The following MYO16 variants were observed in gnomAD, a reference collection of about 807,000 sequenced individuals.
The protein encoded by MYO16 is unconventional myosin-XVI.
A neutral mutation model predicts 205.3 loss-of-function variants in MYO16; 94 were observed. The ratio of observed to expected loss-of-function variants is 0.46; its 90% confidence interval spans 0.39 to 0.54. The LOEUF (loss-of-function observed/expected upper bound fraction) is 0.54. Ranked by LOEUF, MYO16 falls within the 20% of genes least tolerant of loss-of-function variation. MYO16 has a pLI of 0.00. For synonymous variants in MYO16, 988 were observed against 954.0 expected, an observed-to-expected ratio of 1.04 and a Z score of -0.66; for missense variants, 2,315 against 2,387.5, an observed-to-expected ratio of 0.97 and a Z score of 0.63.
At chr13:108,877,971 T>C (rs939800736) in intron 12 of MYO16, among the ~76,000 whole-genome samples, 1 of 152,220 alleles carries the variant, frequency 6.6e-6, no homozygotes, top group African/African-American at 2.4e-5. Context: ...GGGATTTAAA[T>C]TCACTTGTAA....
intron 16 of MYO16, among the ~76,000 whole-genome samples, chr13:108,936,114 TTCCTTCC>T (rs1882470607): frequency 6.9e-6 from 1 of 144,820 alleles, no homozygotes; most frequent in South Asian, 2.1e-4. Context: ...CCTTCCTTCC[TTCCTTCC>T]TTCCTTCCTT....
At chr13:108,973,780 A>G (rs1298465288) in intron 20 of MYO16, among the ~76,000 whole-genome samples, 1 of 152,244 alleles carries the variant, frequency 6.6e-6, no homozygotes, top group Non-Finnish European at 1.5e-5. Context: ...CTAAATGAAC[A>G]TAGAGAATCG....
the MYO16 span, among the ~76,000 whole-genome samples, chr13:108,510,210 G>A: frequency 4.6e-5 from 7 of 151,912 alleles, no homozygotes; most frequent in African/African-American, 7.2e-5. Flanking sequence ...TCTGCCTCCC[G>A]GGTTCACGCC....
rs532633402 is a variant in MYO16, at chr13:108,605,556, A to G, written c.-39+9317A>G. Among the ~76,000 whole-genome samples the G allele has an allele frequency of 5.9e-5, 9 of 152,192 alleles. No individual in the cohort carries two copies. The South Asian group carries it at 6.2e-4, about 11-fold the overall frequency. On this transcript the variant is annotated intron_variant, in intron 1 of 24. Coordinates refer to the MYO16 transcript ENST00000251041. ...GTTCTCATGAGACTGATGGTTTTAT[A>G]AGGGGCTATTTCTCCTTCACTTTAC...
intron 34 of MYO16, among the ~76,000 whole-genome samples, chr13:109,197,921 C>G (rs1408270073): frequency 1.3e-5 from 2 of 152,164 alleles, no homozygotes; most frequent in Non-Finnish European, 2.9e-5. Context: ...CGTGCGCTGA[C>G]TATTCTATTC....
the MYO16 span, among the ~76,000 whole-genome samples, chr13:108,509,030 G>A: frequency 4.7e-4 from 72 of 152,266 alleles, no homozygotes; most frequent in African/African-American, 1.7e-3. Flanking sequence ...ACTGAGTAAG[G>A]TGAGAAACGC....
intron 34 of MYO16, among the ~76,000 whole-genome samples, chr13:109,194,148 A>G (rs9301357): frequency 0.45 from 67,745 of 151,944 alleles, 18,045 homozygotes; most frequent in African/African-American, 0.73. Context: ...ATGTCTTGTT[A>G]CCCAATTTGA....
rs1338770640 is a variant in MYO16 at position 109,141,495 on chromosome 13, G to T, written c.5164+119G>T. On this transcript the variant is annotated intron_variant, in intron 32 of 34. Transcript: ENST00000457511. The surrounding 1 kb of genome is among the most constrained non-coding windows in gnomAD (Gnocchi z 4.1). ...AAAGTTTCAGGTGATGGCCGTGGTC[G>T]TTCAGAGCAGATATCAGCTTTAAAA... 3.0e-6 allele frequency: 2 copies of T among 671,956 alleles called. No homozygotes were observed. The highest frequency in any genetic ancestry group is 4.2e-5 in the Admixed American group (1 of 23,800). The allele number at this position is 671,956 out of a possible 1,614,324, so 41.6% of individuals were successfully genotyped here.
intron 4 of MYO16, among the ~76,000 whole-genome samples, chr13:108,742,182 C>T (rs568580146): frequency 4.6e-5 from 7 of 152,108 alleles, no homozygotes; most frequent in South Asian, 2.1e-4. Context: ...TTAGTAGAGA[C>T]GGGTTTTCAC....
At chr13:108,574,186 C>A in the MYO16 span, among the ~76,000 whole-genome samples, 1 of 152,180 alleles carries the variant, frequency 6.6e-6, no homozygotes, top group Admixed American at 6.5e-5. Flanking sequence ...TGGATTTGTC[C>A]TGAATACATC....
intron 24 of MYO16, chr13:109,048,561 T>C (rs1217438794): frequency 2.6e-6 from 1 of 390,732 alleles, no homozygotes; most frequent in Non-Finnish European, 4.7e-6. Flanking sequence ...AAATTTTATT[T>C]ACAAAAACAG....
intron 13 of MYO16, among the ~76,000 whole-genome samples, chr13:108,886,132 C>A (rs1451143163): frequency 6.6e-6 from 1 of 152,010 alleles, no homozygotes; most frequent in East Asian, 1.9e-4. Flanking sequence ...GGACTACAGG[C>A]GCCCGCCATC....
chr13:108,771,602 C>G (rs760426042), intron 4 of MYO16, among the ~76,000 whole-genome samples: 2 of 152,074 alleles, frequency 1.3e-5, no homozygotes, highest in African/African-American at 2.4e-5. Flanking sequence ...CAGAAATTTG[C>G]GGAGTGTTTT....
At chr13:108,603,753 C>G (rs1037076594) in intron 1 of MYO16, among the ~76,000 whole-genome samples, 3 of 151,664 alleles carry the variant, frequency 2.0e-5, no homozygotes, top group Middle Eastern at 3.4e-3. Context: ...CATCCTGTTA[C>G]AGCTGACACA....
At position 109,063,854 on chromosome 13, in the gene MYO16, G is replaced by A. The variant is rs1000707483; in HGVS notation, c.3335+8259G>A. Among the ~76,000 whole-genome samples the A allele has an allele frequency of 3.9e-5, 6 of 152,170 alleles. No individual in the cohort carries two copies. In the East Asian group the frequency reaches 9.6e-4, roughly 24 times the overall value. Reference sequence around the variant, plus strand: ...TTTCAAAGATTTTGAGGCATCGTATGTGTCAATCCCATCATCTTTTCTACC... The same window carrying A: ...TTTCAAAGATTTTGAGGCATCGTATATGTCAATCCCATCATCTTTTCTACC... On this transcript the variant is annotated intron_variant, in intron 27 of 34. Coordinates refer to ENST00000457511, the MANE Select transcript of MYO16 (RefSeq NM_001198950.3).
At chr13:108,575,813 T>C in the MYO16 span, among the ~76,000 whole-genome samples, 1 of 152,212 alleles carries the variant, frequency 6.6e-6, no homozygotes. Flanking sequence ...CCCAGCCCTG[T>C]ACCTGGCAAG....
chr13:108,550,147 C>G, the MYO16 span, among the ~76,000 whole-genome samples: 702 of 152,380 alleles, frequency 4.6e-3, 6 homozygotes, highest in African/African-American at 0.016. Context: ...CACTGGGCCT[C>G]AGAGACACTT....
At chr13:108,860,268 T>G (rs550573318) in intron 11 of MYO16, among the ~76,000 whole-genome samples, 2 of 152,332 alleles carry the variant, frequency 1.3e-5, no homozygotes, top group Non-Finnish European at 2.9e-5. Flanking sequence ...GAGTTTGGTT[T>G]TCTGTTCCTG....
chr13:109,096,000 A>G (rs1888764884), intron 27 of MYO16, among the ~76,000 whole-genome samples: 1 of 152,200 alleles, frequency 6.6e-6, no homozygotes, highest in Admixed American at 6.5e-5. Context: ...AAACTGTAGC[A>G]ACGGCGATGA....
Sources: allele counts gnomAD v4.1 joint callset (sites outside exome capture counted in the v4.1 genomes callset), GRCh38; gene constraint gnomAD v4.1.1; non-coding constraint Gnocchi (gnomAD v3.1); transcripts MANE v1.5; gene names NCBI Gene and HGNC (gene_info 2026-07-23, HGNC 2026-07-21).